Variants in CTNNA3 observed in about 807,000 individuals in gnomAD.
CTNNA3 encodes catenin alpha 3.
In CTNNA3, 76 loss-of-function variants were observed where a neutral mutation model predicts 95.7. The observed-to-expected ratio is 0.79, with a 90% CI of 0.66 to 0.96. The LOEUF (loss-of-function observed/expected upper bound fraction) is 0.96, where lower values mean the gene tolerates loss of function less well. Ranked by LOEUF, CTNNA3 falls within the 40% of genes least tolerant of loss-of-function variation. CTNNA3 has a pLI of 0.00. For synonymous variants in CTNNA3, 431 were observed against 374.4 expected (o/e 1.15, Z -1.74); for missense variants, 1,191 against 1,089.8 (o/e 1.09, Z -1.31).
chr10:67,040,815 G>A (rs932164137), intron 7 of CTNNA3, among the ~76,000 whole-genome samples: 1 of 152,182 alleles, frequency 6.6e-6, no homozygotes, highest in African/African-American at 2.4e-5. Flanking sequence ...ACCACATGAT[G>A]TTAAATTATA....
chr10:67,330,177 G>C (rs908745419), intron 5 of CTNNA3, among the ~76,000 whole-genome samples: 7 of 152,158 alleles, frequency 4.6e-5, no homozygotes, highest in Admixed American at 4.6e-4. Flanking sequence ...AATTTAGCAG[G>C]ATTCTGTTTT....
chr10:67,726,509 A>ATATAT (rs1216683263), intron 1 of CTNNA3, among the ~76,000 whole-genome samples: 5 of 74,572 alleles, frequency 6.7e-5, no homozygotes, highest in South Asian at 4.3e-4. Flanking sequence ...ATAATATATT[A>ATATAT]TATATTATAT....
intron 5 of CTNNA3, among the ~76,000 whole-genome samples, chr10:67,496,374 T>A (rs1839022456): frequency 6.6e-6 from 1 of 152,174 alleles, no homozygotes; most frequent in South Asian, 2.1e-4. Flanking sequence ...CTTTCTGCCT[T>A]TACTGAAGCC....
intron 17 of CTNNA3, among the ~76,000 whole-genome samples, chr10:65,922,465 A>G (rs146878892): frequency 6.6e-6 from 1 of 152,316 alleles, no homozygotes; most frequent in African/African-American, 2.4e-5. Flanking sequence ...CATTTAGATT[A>G]AGACTATTTC....
chr10:66,547,347 C>G (rs11597182), intron 10 of CTNNA3, among the ~76,000 whole-genome samples: 1 of 109,284 alleles, frequency 9.2e-6, no homozygotes, highest in African/African-American at 3.5e-5. Flanking sequence ...TTCTTTCTTT[C>G]TTTTTTTTTT....
chr10:66,787,540 C>T (rs769058674), intron 7 of CTNNA3, among the ~76,000 whole-genome samples: 17 of 151,994 alleles, frequency 1.1e-4, no homozygotes, highest in Non-Finnish European at 2.1e-4. Context: ...AATAAGTTGT[C>T]TTTAATGTAG....
In CTNNA3 at chr10:67,539,484, T is replaced by C. The variant is rs770219812; in HGVS notation, c.459+19A>G. On this transcript the variant is annotated intron_variant, in intron 4 of 17. Coordinates refer to ENST00000433211, the MANE Select transcript of CTNNA3 (RefSeq NM_013266.4). The stretch of plus-strand genomic sequence containing the variant: ...AAGTGAAGACAATGCCAAGGTAAAC[T>C]AAGCCATCTTTTACTTACAGCTGAC... 11 of 1,610,820 alleles carry C rather than the reference T, an allele frequency of 6.8e-6. No homozygotes were observed. In the African/African-American group the frequency reaches 9.4e-5, roughly 14 times the overall value.
At chr10:67,286,281 G>A (rs1037590818) in intron 5 of CTNNA3, among the ~76,000 whole-genome samples, 1 of 152,254 alleles carries the variant, frequency 6.6e-6, no homozygotes, top group African/African-American at 2.4e-5. Flanking sequence ...TTCAATCTAT[G>A]ACTAAATAAT....
chr10:66,907,198 C>A (rs1173948569), intron 7 of CTNNA3, among the ~76,000 whole-genome samples: 4 of 152,072 alleles, frequency 2.6e-5, no homozygotes, highest in African/African-American at 9.7e-5. Flanking sequence ...ATAAACTGTG[C>A]ACATTTCTTA....
At chr10:67,066,325 T>C (rs928178797) in intron 7 of CTNNA3, among the ~76,000 whole-genome samples, 4 of 151,114 alleles carry the variant, frequency 2.6e-5, no homozygotes, top group South Asian at 4.2e-4. Context: ...CCCAAGTAAC[T>C]GGGACTACAG....
In CTNNA3 at chr10:66,957,401, T is replaced by TATATATGC. The variant is rs1554886313; in HGVS notation, c.1048-181878_1048-181877insGCATATAT. On this transcript the variant is annotated intron_variant, in intron 7 of 17. Transcript: ENST00000433211. ...GTGTGTGTATATATATACATATATA[T>TATATATGC]ATATATATATATGCATATATATATA... is the stretch of plus-strand genomic sequence containing the variant. Among the ~76,000 whole-genome samples the TATATATGC allele has an allele frequency of 2.9e-3, 88 of 30,504 alleles. 2 individuals carry two copies. The highest frequency in any genetic ancestry group is 3.8e-3 in the Non-Finnish European group (63 of 16,456). 20.0% of individuals were successfully genotyped at this position (30,504 alleles called of 152,430 possible). A position where few individuals can be genotyped will look rare whatever the true frequency, so the allele number is the denominator to read the frequency against.
rs936184729 is a variant in CTNNA3 at position 67,521,747 on chromosome 10, T to C, written c.579+95A>G. ...TGTATCTGCTCTAACCATTAGAAGA[T>C]AAGTTTCCTCAGACCCACCTGCACC... On this transcript the variant is annotated intron_variant, in intron 5 of 17. Transcript: ENST00000433211. The C allele has an allele frequency of 4.5e-5, 65 of 1,459,880 alleles. No homozygotes were observed. In the African/African-American group the frequency reaches 7.9e-4, roughly 18 times the overall value. 90.4% of individuals were successfully genotyped at this position (1,459,880 alleles called of 1,614,324 possible).
chr10:66,614,939 C>G (rs909590534), intron 10 of CTNNA3, among the ~76,000 whole-genome samples: 1 of 151,916 alleles, frequency 6.6e-6, no homozygotes, highest in African/African-American at 2.4e-5. Flanking sequence ...ATTAGTGAAT[C>G]TTATTTATGG....
chr10:67,021,150 A>G (rs1852985220), intron 7 of CTNNA3, among the ~76,000 whole-genome samples: 1 of 152,198 alleles, frequency 6.6e-6, no homozygotes. Flanking sequence ...CAGTCAGGCT[A>G]TTGAAAGTAA....
intron 9 of CTNNA3, among the ~76,000 whole-genome samples, chr10:66,683,954 C>A (rs1192450660): frequency 2.0e-5 from 3 of 152,138 alleles, no homozygotes; most frequent in Admixed American, 6.5e-5. Context: ...TGAACCTACA[C>A]AATGACCTGA....
At chr10:67,692,775 C>T (rs1840893987) in intron 1 of CTNNA3, among the ~76,000 whole-genome samples, 1 of 142,002 alleles carries the variant, frequency 7.0e-6, no homozygotes, top group Non-Finnish European at 1.5e-5. Context: ...CTACAAAGTG[C>T]TTAGGGTGTA....
chr10:67,234,699 A>G (rs1253532859), intron 5 of CTNNA3, among the ~76,000 whole-genome samples: 1 of 152,082 alleles, frequency 6.6e-6, no homozygotes, highest in Non-Finnish European at 1.5e-5. Flanking sequence ...AGGGTATTCA[A>G]TTAAGAAAAG....
chr10:66,940,612 C>T (rs1847946685), intron 7 of CTNNA3, among the ~76,000 whole-genome samples: 1 of 152,084 alleles, frequency 6.6e-6, no homozygotes, highest in Admixed American at 6.5e-5. Context: ...AAATATGAAA[C>T]CCACAAATTA....
At chr10:66,333,279 T>A (rs1242774062) in intron 12 of CTNNA3, among the ~76,000 whole-genome samples, 2 of 152,086 alleles carry the variant, frequency 1.3e-5, no homozygotes, top group Non-Finnish European at 2.9e-5. Context: ...AGTTTTTGAA[T>A]GTGTTTGCTC....
Sources: allele counts gnomAD v4.1 joint callset (sites outside exome capture counted in the v4.1 genomes callset), GRCh38; gene constraint gnomAD v4.1.1; transcripts MANE v1.5; gene names NCBI Gene and HGNC (gene_info 2026-07-23, HGNC 2026-07-21).